Variants in MYZAP observed in about 807,000 individuals in gnomAD.
The protein encoded by MYZAP is myocardial zonula adherens protein, also known as GRINL1A complex locus upstream.
In MYZAP, 66 loss-of-function variants were observed where a neutral mutation model predicts 69.4. That is an observed-to-expected ratio of 0.95 (90% CI 0.78 to 1.17). The LOEUF (loss-of-function observed/expected upper bound fraction) is 1.17, where lower values mean the gene tolerates loss of function less well. MYZAP is among the 50% of genes most tolerant of loss of function. The pLI, the probability that MYZAP is intolerant of heterozygous loss-of-function variation, is 0.00. For synonymous variants in MYZAP, 256 were observed against 205.9 expected, an observed-to-expected ratio of 1.24 and a Z score of -2.09; for missense variants, 611 against 556.2, an observed-to-expected ratio of 1.10 and a Z score of -0.99.
At chr15:57,684,251 T>G (rs1483667525) in intron 12 of MYZAP, 151 bp from the exon 13 acceptor site, 1 of 604,804 alleles carries the variant, frequency 1.7e-6, no homozygotes, top group Non-Finnish European at 2.9e-6. Flanking sequence ...CAGGGCCTGT[T>G]TGTAATATTT....
At chr15:57,643,521 G>T (rs1444392502) in intron 10 of MYZAP, among the ~76,000 whole-genome samples, 13 of 152,160 alleles carry the variant, frequency 8.5e-5, no homozygotes, top group African/African-American at 2.9e-4. Context: ...ACATCTTTGA[G>T]TGTGACTTCT....
intron 6 of MYZAP, 102 bp from the exon 7 acceptor site, chr15:57,632,332 G>C: frequency 6.4e-7 from 1 of 1,556,236 alleles, no homozygotes; most frequent in South Asian, 1.2e-5. Flanking sequence ...CCAGTGGATG[G>C]GCTCACTACC....
intron 11 of MYZAP, among the ~76,000 whole-genome samples, chr15:57,671,967 C>G (rs767906775): frequency 6.6e-6 from 1 of 152,124 alleles, no homozygotes; most frequent in Non-Finnish European, 1.5e-5. Context: ...ATTGTGAGTG[C>G]TTTGTTGGGT....
chr15:57,669,095 C>T (rs2140590786), intron 11 of MYZAP, among the ~76,000 whole-genome samples: 1 of 151,950 alleles, frequency 6.6e-6, no homozygotes, highest in South Asian at 2.1e-4. Context: ...CACCACGTTG[C>T]CCGGGCTGGT....
intron 2 of MYZAP, among the ~76,000 whole-genome samples, chr15:57,608,171 T>C (rs577353591): frequency 6.6e-6 from 1 of 152,276 alleles, no homozygotes; most frequent in African/African-American, 2.4e-5. Context: ...GAGCCGCACA[T>C]GATGAGGGCA....
In MYZAP at chr15:57,591,968, G is replaced by T. The variant is rs1299548910; in HGVS notation, c.-67G>T. ...CCCGCGTCGCCCCCGCGCAGGGCGGGCCCCGCACGCTTATTCTGCCCGGGA... is the reference window on the plus strand; with the variant it reads ...CCCGCGTCGCCCCCGCGCAGGGCGGTCCCCGCACGCTTATTCTGCCCGGGA... On this transcript the variant is annotated 5_prime_UTR_variant, in exon 1 of 13. Transcript: ENST00000267853. 8.4e-6 allele frequency: 11 copies of T among 1,315,542 alleles called. No individual in the cohort carries two copies. The highest frequency in any genetic ancestry group is 4.6e-5 in the African/African-American group (3 of 64,572). 81.5% of individuals were successfully genotyped at this position (1,315,542 alleles called of 1,614,324 possible).
At chr15:57,651,692 A>C (rs186311092) in intron 10 of MYZAP, among the ~76,000 whole-genome samples, 31 of 152,296 alleles carry the variant, frequency 2.0e-4, no homozygotes, top group Admixed American at 1.8e-3. Context: ...TTGGCACCTC[A>C]GTTTCATGGT....
chr15:57,625,549 A>G (rs2036080637), intron 4 of MYZAP, among the ~76,000 whole-genome samples: 1 of 152,194 alleles, frequency 6.6e-6, no homozygotes, highest in Non-Finnish European at 1.5e-5. Context: ...ACTCCTGCAC[A>G]GTGTTGTTGA....
chr15:57,653,745 C>A (rs1361901739), intron 10 of MYZAP, among the ~76,000 whole-genome samples: 1 of 152,026 alleles, frequency 6.6e-6, no homozygotes, highest in Non-Finnish European at 1.5e-5. Context: ...TAGGCCACAC[C>A]TGTAATCCCA....
At chr15:57,601,017 G>A (rs1213855177) in intron 1 of MYZAP, among the ~76,000 whole-genome samples, 1 of 152,150 alleles carries the variant, frequency 6.6e-6, no homozygotes, top group Non-Finnish European at 1.5e-5. Context: ...GATTGAGGCT[G>A]CAGTGCTATG....
Position 57,684,461 on chromosome 15 carries a change from G to A in MYZAP, c.1364G>A (p.Arg455Lys). ...MPSRNYTPYT[R>K]VLELTMKKTL... ...TCTAGGAACTACACCCCATACACAAGAGTCCTGGAGTTAACCATGAAGAAA... is the reference window on the plus strand; with the variant it reads ...TCTAGGAACTACACCCCATACACAAAAGTCCTGGAGTTAACCATGAAGAAA... The change falls in exon 13 of 13, where the codon AGA (arginine) becomes AAA (lysine). Residue 455 changes from arginine (R) to lysine (K), a missense_variant. Physicochemically the swap from Arg to Lys is conservative, Grantham distance 26. Transcript: ENST00000267853. 1 of 1,613,232 alleles carries A rather than the reference G, an allele frequency of 6.2e-7. No individual in the cohort carries two copies. The highest frequency in any genetic ancestry group is 2.2e-5 in the East Asian group (1 of 44,856).
At chr15:57,676,453 TATATAC>T (rs1567242249) in intron 12 of MYZAP, among the ~76,000 whole-genome samples, 14 of 141,062 alleles carry the variant, frequency 9.9e-5, no homozygotes, top group Non-Finnish European at 1.7e-4. Context: ...TATATATATA[TATATAC>T]ATATATATAC....
At chr15:57,646,269 G>T in intron 10 of MYZAP, 1 of 1,280,580 alleles carries the variant, frequency 7.8e-7, no homozygotes, top group Non-Finnish European at 1.0e-6. Flanking sequence ...ACTCTCTGCT[G>T]GGAAGAGGTG....
chr15:57,631,873 G>C (rs2140437042), intron 6 of MYZAP, among the ~76,000 whole-genome samples: 1 of 152,330 alleles, frequency 6.6e-6, no homozygotes, highest in South Asian at 2.1e-4. Context: ...CGGGAAGTCT[G>C]TGTGTGAGAA....
chr15:57,676,418 ATGTGTATATATATATATG>A (rs1250162512), intron 12 of MYZAP, among the ~76,000 whole-genome samples: 1,246 of 21,328 alleles, frequency 0.058, 15 homozygotes, highest in African/African-American at 0.09. Context: ...ATGTATATAT[ATGTGTATATATATATATG>A]TATATATATA....
At chr15:57,610,965 C>T (rs1411511700) in intron 2 of MYZAP, among the ~76,000 whole-genome samples, 1 of 152,080 alleles carries the variant, frequency 6.6e-6, no homozygotes, top group Non-Finnish European at 1.5e-5. Flanking sequence ...GTAATGAGAA[C>T]AGCAAAAAGA....
At position 57,625,777 on chromosome 15, in the gene MYZAP, A is replaced by G. The variant is rs777925907; in HGVS notation, c.412-2A>G. 6.2e-6 allele frequency: 10 copies of G among 1,613,968 alleles called. No individual in the cohort carries two copies. The East Asian group carries it at 1.8e-4, about 29-fold the overall frequency. On this transcript the variant is annotated splice_acceptor_variant, in intron 4 of 12. Transcript: ENST00000267853. LOFTEE classifies it high-confidence loss of function. Reference sequence around the variant, plus strand: ...GTGTGACTGTCTCCTCGATCTGTCCAGGTTTCCCATGCTCAGCAGGAGTAT... The same window carrying G: ...GTGTGACTGTCTCCTCGATCTGTCCGGGTTTCCCATGCTCAGCAGGAGTAT...
chr15:57,683,567 T>A (rs1014541002), intron 12 of MYZAP, among the ~76,000 whole-genome samples: 2 of 152,338 alleles, frequency 1.3e-5, no homozygotes, highest in Non-Finnish European at 2.9e-5. Flanking sequence ...ATAACTTTTT[T>A]ATTTTTAACC....
intron 10 of MYZAP, among the ~76,000 whole-genome samples, chr15:57,655,966 C>T (rs1372742485): frequency 1.3e-5 from 2 of 152,142 alleles, no homozygotes; most frequent in Admixed American, 1.3e-4. Flanking sequence ...GTTCTTAATG[C>T]CCTGGTTTGA....
Sources: gnomAD v4.1 joint callset for allele counts (sites outside exome capture counted in the v4.1 genomes callset) on GRCh38, gnomAD v4.1.1 for gene constraint, MANE v1.5 for transcripts, NCBI Gene and HGNC (gene_info 2026-07-23, HGNC 2026-07-21) for gene names.